KIDINS220: variants seen among roughly 807,000 people sequenced by gnomAD.
The protein encoded by KIDINS220 is kinase D-interacting substrate of 220 kDa.
A neutral mutation model predicts 157.6 loss-of-function variants in KIDINS220; 63 were observed. The ratio of observed to expected loss-of-function variants is 0.40; its 90% confidence interval spans 0.33 to 0.49. The LOEUF (loss-of-function observed/expected upper bound fraction) is 0.49, where lower values mean the gene tolerates loss of function less well. Ranked by LOEUF, KIDINS220 falls within the 20% of genes least tolerant of loss-of-function variation. The pLI is 0.66. For missense variants in KIDINS220, 1,772 were observed against 2,171.2 expected, an observed-to-expected ratio of 0.82 and a Z score of 3.65; for synonymous variants, 732 against 783.6, an observed-to-expected ratio of 0.93 and a Z score of 1.10.
rs1182009743 is a variant in KIDINS220 at position 8,730,938 on chromosome 2, C to T, written c.5098G>A (p.Asp1700Asn). The change falls in exon 30 of 30, where the codon GAT becomes AAT. Residue 1700 changes from aspartate (D) to asparagine (N), a missense_variant. Around this residue, in one of 3 missense-constraint regions of KIDINS220, gnomAD observed 793 missense variants for 885.5 expected, o/e 0.90. Transcript: ENST00000256707. ...APANRANQNF[D>N]EMEGIRETSQ... ...GTCTCCCTAATTCCCTCCATCTCAT[C>T]GAAATTTTGATTGGCTCTGTTGGCT... is the stretch of plus-strand genomic sequence containing the variant. 2.5e-6 allele frequency: 4 copies of T among 1,614,048 alleles called. No homozygotes were observed. Among genetic ancestry groups the T allele is most frequent in the African/African-American group, 2.7e-5 (2 of 74,914 alleles).
chr2:8,818,569 A>T (rs1390946145), intron 3 of KIDINS220, 126 bp downstream of exon 3: 18 of 584,106 alleles, frequency 3.1e-5, no homozygotes, highest in Non-Finnish European at 4.0e-5. Flanking sequence ...AAACTGATAT[A>T]GCCCACTAGG....
intron 26 of KIDINS220, among the ~76,000 whole-genome samples, chr2:8,746,147 G>C (rs1223910894): frequency 6.7e-6 from 1 of 150,290 alleles, no homozygotes; most frequent in African/African-American, 2.5e-5. Flanking sequence ...TTGTTGCCGA[G>C]GCTGGAGTGC....
chr2:8,776,106 G>C (rs774694256), intron 21 of KIDINS220, among the ~76,000 whole-genome samples: 45 of 152,082 alleles, frequency 3.0e-4, no homozygotes, highest in Admixed American at 6.5e-4. Flanking sequence ...AAGTATATTA[G>C]ATACAACCTC....
chr2:8,796,617 A>G lies in KIDINS220; in HGVS notation c.1098+154T>C, dbSNP rs528174559. Among the ~76,000 whole-genome samples, 19 of 152,260 alleles carry G rather than the reference A, an allele frequency of 1.2e-4. 1 individual carries two copies. Among genetic ancestry groups the G allele is most frequent in the African/African-American group, 4.6e-4 (19 of 41,550 alleles). ...ACTGAGCCCACCCACTCCTCAGCAC[A>G]CTACTGTGTGGGATCCAAAGCCCAC... On this transcript the variant is annotated intron_variant, in intron 11 of 29. Transcript: ENST00000256707.
chr2:8,731,559 C>T lies in KIDINS220; in HGVS notation c.4477G>A (p.Gly1493Ser). The T allele has an allele frequency of 6.2e-7, 1 of 1,614,140 alleles. No homozygotes were observed. The highest frequency in any genetic ancestry group is 2.2e-5 in the East Asian group (1 of 44,886). The change falls in exon 30 of 30, where the codon GGC (glycine) becomes AGC (serine). Residue 1493 changes from glycine (G) to serine (S), a missense_variant. By Grantham distance (56) the Gly-to-Ser change is moderately conservative. Transcript: ENST00000256707. This position sits in a 1 kb window ranked among gnomAD's most constrained non-coding sequence, Gnocchi z 5.2. ...CTTGACCTTTCGGAAGATTTCTTGC[C>T]TGGGAGAAGCTTACTGCCTGACTGA... ...SDQSGSKLLP[G>S]KKSSERSSLF... is the part of the protein sequence containing the mutation.
intron 6 of KIDINS220, 114 bp downstream of exon 6, chr2:8,812,281 C>T (rs762864123): frequency 4.8e-6 from 2 of 418,400 alleles, no homozygotes; most frequent in Non-Finnish European, 8.5e-6. Context: ...CATTAATATA[C>T]AAAAATATAA....
downstream of KIDINS220, chr2:8,726,979 T>TA (rs1468214704): frequency 1.6e-6 from 2 of 1,242,636 alleles, no homozygotes; most frequent in East Asian, 5.6e-5. Context: ...TGTAAGATTG[T>TA]AAATTCTCTA....
In KIDINS220 at chr2:8,785,993, A is replaced by T. The variant is rs752197124; in HGVS notation, c.1977T>A (p.Ser659=). The part of the protein sequence containing the change: ...KKWKKTCCLP[S]FVIFLFIIGC... ...CAATGATAAAAAGGAAGATGACAAA[A>T]GATGGGAGACAACATGTTTTTTTCC... The change falls in exon 17 of 30, where the codon TCT becomes TCA. Residue 659 remains serine, a synonymous_variant. Coordinates refer to ENST00000256707, the MANE Select transcript of KIDINS220 (RefSeq NM_020738.4). The T allele has an allele frequency of 3.4e-5, 54 of 1,611,072 alleles. 1 individual carries two copies. Among genetic ancestry groups the T allele is most frequent in the Non-Finnish European group, 1.4e-5 (16 of 1,179,144 alleles).
chr2:8,748,536 TA>T (rs1052056746), intron 24 of KIDINS220, among the ~76,000 whole-genome samples: 1 of 152,202 alleles, frequency 6.6e-6, no homozygotes, highest in African/African-American at 2.4e-5. Context: ...TAAGCAAGCA[TA>T]TTTTTTTTAA....
At chr2:8,806,166 G>T in intron 7 of KIDINS220, 105 bp downstream of exon 7, 1 of 743,270 alleles carries the variant, frequency 1.3e-6, no homozygotes, top group South Asian at 2.1e-5. Flanking sequence ...TATCATTTTA[G>T]AACTAGAGGG....
At chr2:8,824,087 A>C (rs937523219) in intron 2 of KIDINS220, among the ~76,000 whole-genome samples, 3 of 152,172 alleles carry the variant, frequency 2.0e-5, no homozygotes, top group Non-Finnish European at 4.4e-5. Flanking sequence ...TGAGGAATTC[A>C]GTCATTTACT....
At chr2:8,830,115 C>T (rs1679394777) in intron 1 of KIDINS220, among the ~76,000 whole-genome samples, 1 of 152,176 alleles carries the variant, frequency 6.6e-6, no homozygotes, top group Admixed American at 6.5e-5. Flanking sequence ...AGTTTACCCC[C>T]TAAAGTGTGA....
intron 11 of KIDINS220, among the ~76,000 whole-genome samples, chr2:8,796,488 C>T (rs1218324672): frequency 6.6e-6 from 1 of 152,182 alleles, no homozygotes; most frequent in East Asian, 1.9e-4. Flanking sequence ...CAAGCTCTAC[C>T]CTGATGAAGG....
downstream of KIDINS220, chr2:8,727,010 G>T: frequency 1.4e-5 from 16 of 1,131,094 alleles, no homozygotes; most frequent in Non-Finnish European, 1.8e-5. Context: ...CTCAACCAGG[G>T]ATTCTCAACC....
In KIDINS220 at chr2:8,747,113, C is replaced by T. The variant is rs768757133; in HGVS notation, c.3585+32G>A. ...TACTGAGGCAGAAGCAATGAGATGC[C>T]AGCGATCCACACCACAGGACTACTC... is the stretch of plus-strand genomic sequence containing the variant. On this transcript the variant is annotated intron_variant, in intron 26 of 29. Transcript: ENST00000256707. 1.9e-5 allele frequency: 31 copies of T among 1,602,088 alleles called. No individual in the cohort carries two copies. The South Asian group carries it at 2.2e-4, about 11-fold the overall frequency.
At chr2:8,746,272 C>A (rs979064561) in intron 26 of KIDINS220, among the ~76,000 whole-genome samples, 1 of 151,370 alleles carries the variant, frequency 6.6e-6, no homozygotes, top group Non-Finnish European at 1.5e-5. Flanking sequence ...CTGGCTAATT[C>A]TCGTATTTTC....
rs1664103005 is a variant in KIDINS220, at chr2:8,731,610, T to C, written c.4426A>G (p.Ile1476Val). The C allele has an allele frequency of 3.1e-6, 5 of 1,614,174 alleles. No homozygotes were observed. The highest frequency in any genetic ancestry group is 1.1e-5 in the South Asian group (1 of 91,074). ...STNDASPLDP[I>V]TEEDEKSDQS... ...TCTGATTTTTCATCTTCTTCAGTGATAGGATCCAGGGGGGAAGCATCGTTG... is the reference window on the plus strand; with the variant it reads ...TCTGATTTTTCATCTTCTTCAGTGACAGGATCCAGGGGGGAAGCATCGTTG... Residue 1476 changes from isoleucine to valine, a missense_variant, in exon 30 of 30, where the codon ATC becomes GTC. Coordinates refer to ENST00000256707, the MANE Select transcript of KIDINS220 (RefSeq NM_020738.4). This position sits in a 1 kb window ranked among gnomAD's most constrained non-coding sequence, Gnocchi z 5.2.
At position 8,796,801 on chromosome 2, in the gene KIDINS220, A is replaced by G. The variant is rs115226053; in HGVS notation, c.1068T>C (p.Asp356=). ...RNIEVVELLL[D]KGAKVSAVDK... ...CTACAGCAGACACTTTAGCACCTTTATCTAGCAGCAGCTCCACCACTTCAA... is the reference window on the plus strand; with the variant it reads ...CTACAGCAGACACTTTAGCACCTTTGTCTAGCAGCAGCTCCACCACTTCAA... The change falls in exon 11 of 30, where the codon GAT becomes GAC. Residue 356 remains aspartate (D), a synonymous_variant. Coordinates refer to ENST00000256707, the MANE Select transcript of KIDINS220 (RefSeq NM_020738.4). The G allele has an allele frequency of 5.4e-3, 8,751 of 1,614,098 alleles. 23 individuals are homozygous for G. Among genetic ancestry groups the G allele is most frequent in the Non-Finnish European group, 6.9e-3 (8,105 of 1,179,968 alleles).
At chr2:8,733,182 T>C (rs1664391998) in intron 29 of KIDINS220, among the ~76,000 whole-genome samples, 1 of 152,164 alleles carries the variant, frequency 6.6e-6, no homozygotes, top group Non-Finnish European at 1.5e-5. Context: ...CTAATCCCTA[T>C]TGACTCTGCA....
Sources: allele counts gnomAD v4.1 joint callset (sites outside exome capture counted in the v4.1 genomes callset), GRCh38; gene constraint gnomAD v4.1.1; regional missense constraint gnomAD v4.1.1; non-coding constraint Gnocchi (gnomAD v3.1); transcripts MANE v1.5; gene names NCBI Gene and HGNC (gene_info 2026-07-23, HGNC 2026-07-21).